Variants in TRIM16 observed in about 807,000 individuals in gnomAD.
The protein encoded by TRIM16 is tripartite motif containing 16, also known as tripartite motif-containing protein 16.
Under a neutral mutation model 50.4 loss-of-function variants are expected in TRIM16, and 33 were observed. That is an observed-to-expected ratio of 0.65 (90% CI 0.50 to 0.88). The LOEUF (loss-of-function observed/expected upper bound fraction) is 0.88. Ranked by LOEUF, TRIM16 falls within the 40% of genes least tolerant of loss-of-function variation. TRIM16 has a pLI of 0.00. For missense variants in TRIM16, 581 were observed against 686.8 expected (o/e 0.85, Z 1.72); for synonymous variants, 229 against 270.7 (o/e 0.85, Z 1.51).
At chr17:15,674,761 T>G (rs1988857684) in intron 6 of TRIM16, among the ~76,000 whole-genome samples, 1 of 152,196 alleles carries the variant, frequency 6.6e-6, no homozygotes, top group African/African-American at 2.4e-5. Context: ...TTTCAAGTTC[T>G]CTTAGTGTGT....
At chr17:15,681,128 G>T in intron 3 of TRIM16, 175 bp from the exon 4 acceptor site, 1 of 555,950 alleles carries the variant, frequency 1.8e-6, no homozygotes. Flanking sequence ...AGGATAGAAT[G>T]AACATAAACT....
intron 6 of TRIM16, among the ~76,000 whole-genome samples, chr17:15,658,350 A>C (rs959046458): frequency 6.6e-6 from 1 of 152,182 alleles, no homozygotes; most frequent in Admixed American, 6.5e-5. Flanking sequence ...AAGCTATCCA[A>C]GCGTTTTTGC....
chr17:15,655,052 T>C (rs1316987294), intron 6 of TRIM16, among the ~76,000 whole-genome samples: 1 of 152,170 alleles, frequency 6.6e-6, no homozygotes, highest in Non-Finnish European at 1.5e-5. Context: ...CAGGCTTCTG[T>C]CAGAGCTCTG....
intron 6 of TRIM16, among the ~76,000 whole-genome samples, chr17:15,673,802 A>T (rs951815172): frequency 2.0e-5 from 3 of 152,274 alleles, no homozygotes; most frequent in Admixed American, 6.5e-5. Flanking sequence ...AGAAATTTTC[A>T]TCAGGCAGCC....
intron 7 of TRIM16, among the ~76,000 whole-genome samples, chr17:15,650,759 C>T (rs1476358008): frequency 6.6e-6 from 1 of 152,194 alleles, no homozygotes; most frequent in Non-Finnish European, 1.5e-5. Flanking sequence ...TAAGCCCCCA[C>T]AACTTCTGCA....
chr17:15,640,227 C>G (rs1987055826), intron 8 of TRIM16, among the ~76,000 whole-genome samples: 1 of 148,172 alleles, frequency 6.7e-6, no homozygotes, highest in Non-Finnish European at 1.5e-5. Context: ...TAGCACTGAG[C>G]TGGCACAGCC....
At chr17:15,638,504 A>T (rs1382140425) in intron 8 of TRIM16, among the ~76,000 whole-genome samples, 1 of 149,048 alleles carries the variant, frequency 6.7e-6, no homozygotes, top group Non-Finnish European at 1.5e-5. Flanking sequence ...TAGGAAGCGG[A>T]GCTTGCAGTG....
At chr17:15,682,817 ATAT>A in intron 3 of TRIM16, 34 bp downstream of exon 3, 1 of 1,395,556 alleles carries the variant, frequency 7.2e-7, no homozygotes, top group South Asian at 1.6e-5. Flanking sequence ...TTAAAAGGGA[ATAT>A]TAGTAAAATC....
intron 4 of TRIM16, among the ~76,000 whole-genome samples, chr17:15,678,853 T>G (rs1037057060): frequency 7.4e-5 from 11 of 148,360 alleles, no homozygotes; most frequent in African/African-American, 2.7e-4. Flanking sequence ...AAAGAATATT[T>G]ACGACTGGAG....
chr17:15,641,057 C>T (rs1180997569), intron 8 of TRIM16, among the ~76,000 whole-genome samples: 5 of 148,236 alleles, frequency 3.4e-5, no homozygotes, highest in Non-Finnish European at 6.0e-5. Context: ...CACCCCCGGC[C>T]CCAACTGAGG....
intron 6 of TRIM16, among the ~76,000 whole-genome samples, chr17:15,655,886 T>C (rs926774518): frequency 6.6e-6 from 1 of 152,348 alleles, no homozygotes; most frequent in Admixed American, 6.5e-5. Flanking sequence ...TGTCCCCACT[T>C]AACCTTAGTT....
intron 5 of TRIM16, 32 bp from the exon 6 acceptor site, chr17:15,677,312 G>C: frequency 2.0e-6 from 2 of 984,232 alleles, no homozygotes; most frequent in Non-Finnish European, 2.4e-6. Flanking sequence ...GTAATTTTAA[G>C]TTCAAAAGAG....
intron 4 of TRIM16, among the ~76,000 whole-genome samples, chr17:15,679,472 C>T (rs1989087343): frequency 1.3e-5 from 2 of 152,014 alleles, no homozygotes; most frequent in African/African-American, 4.8e-5. Context: ...CTAACAAGAG[C>T]TTTGAGCAAT....
chr17:15,650,837 G>A (rs1043767125), intron 7 of TRIM16, among the ~76,000 whole-genome samples: 11 of 152,194 alleles, frequency 7.2e-5, no homozygotes, highest in Non-Finnish European at 1.3e-4. Context: ...AGAAGGAGGA[G>A]AGACAGACAC....
At chr17:15,680,226 G>A (rs1189434337) in intron 4 of TRIM16, among the ~76,000 whole-genome samples, 3 of 152,022 alleles carry the variant, frequency 2.0e-5, no homozygotes, top group Admixed American at 2.0e-4. Context: ...TAAAATGCTA[G>A]TTGAATGAAT....
chr17:15,660,921 A>G (rs1988204274), intron 6 of TRIM16, among the ~76,000 whole-genome samples: 2 of 142,892 alleles, frequency 1.4e-5, no homozygotes, highest in African/African-American at 2.7e-5. Context: ...AAAAAAAAAA[A>G]AGAACACAGA....
rs548636492 is a variant in TRIM16, at chr17:15,683,075, T to C, written c.-816A>G. 8 of 1,550,654 alleles carry C rather than the reference T, an allele frequency of 5.2e-6. No individual in the cohort carries two copies. The highest frequency in any genetic ancestry group is 4.1e-5 in the African/African-American group (3 of 73,184). The stretch of plus-strand genomic sequence containing the variant: ...TTGCAGGTCCAATCCTCCATAATCA[T>C]AGCCTTTGCTTCACTATTTGGGTGT... On this transcript the variant is annotated 5_prime_UTR_variant, in exon 2 of 12. An upstream start codon of the reference 5' UTR is lost. Transcript: ENST00000649191.
intron 6 of TRIM16, among the ~76,000 whole-genome samples, chr17:15,657,141 CA>C (rs1291645860): frequency 6.6e-6 from 1 of 152,148 alleles, no homozygotes; most frequent in East Asian, 1.9e-4. Flanking sequence ...TGATAAAATA[CA>C]GATAAATACA....
chr17:15,632,688 A>T lies in TRIM16; in HGVS notation c.850-14T>A, dbSNP rs1472916226. On this transcript the variant is annotated splice_polypyrimidine_tract_variant and intron_variant, in intron 9 of 11. Transcript: ENST00000649191. ...CTTGCAGTACTCCTGCAGAAAAGGA[A>T]ACAGCAGAACTTGCTGTGGTTTCTG... 6.4e-7 allele frequency: 1 copy of T among 1,556,128 alleles called. No homozygotes were observed. The highest frequency in any genetic ancestry group is 2.0e-5 in the Admixed American group (1 of 50,596).
Sources: gnomAD v4.1 joint callset for allele counts (sites outside exome capture counted in the v4.1 genomes callset) on GRCh38, gnomAD v4.1.1 for gene constraint, MANE v1.5 for transcripts, NCBI Gene and HGNC (gene_info 2026-07-23, HGNC 2026-07-21) for gene names.